The following IFT25 variants were observed in gnomAD, a reference collection of about 807,000 sequenced individuals.
The protein encoded by IFT25 is intraflagellar transport protein 25 homolog.
At chr1:53,929,837 G>C in the IFT25 span, 3 of 774,908 alleles carry the variant, frequency 3.9e-6, no homozygotes, top group African/African-American at 3.7e-5. Context: ...CTGAGCTCAA[G>C]GCATTTACCT....
At chr1:53,932,344 AAAAG>A in the IFT25 span, among the ~76,000 whole-genome samples, 1 of 152,026 alleles carries the variant, frequency 6.6e-6, no homozygotes. Flanking sequence ...AAAAAAAAAA[AAAAG>A]AAAGATTTTC....
At chr1:53,938,785 G>A in the IFT25 span, among the ~76,000 whole-genome samples, 1 of 152,052 alleles carries the variant, frequency 6.6e-6, no homozygotes, top group Admixed American at 6.6e-5. Flanking sequence ...TATTAAAAAA[G>A]GAGTCCTCCA....
chr1:53,933,570 G>T, the IFT25 span, among the ~76,000 whole-genome samples: 45 of 152,180 alleles, frequency 3.0e-4, no homozygotes, highest in African/African-American at 9.6e-4. Context: ...TTTGTAGGAT[G>T]CATCTTCTTT....
At chr1:53,915,808 T>G in the IFT25 span, among the ~76,000 whole-genome samples, 1 of 151,998 alleles carries the variant, frequency 6.6e-6, no homozygotes, top group East Asian at 1.9e-4. Context: ...CACAGCACAG[T>G]GGCAGTCAGG....
chr1:53,920,320 T>C, the IFT25 span, among the ~76,000 whole-genome samples: 2 of 152,140 alleles, frequency 1.3e-5, no homozygotes, highest in African/African-American at 4.8e-5. Flanking sequence ...CTTCTATCAA[T>C]ATGGATTCAC....
the IFT25 span, among the ~76,000 whole-genome samples, chr1:53,931,563 T>C: frequency 6.6e-6 from 1 of 152,244 alleles, no homozygotes; most frequent in African/African-American, 2.4e-5. Flanking sequence ...TATGAGGCTG[T>C]CCAGAATTTC....
chr1:53,935,897 TG>T, the IFT25 span, among the ~76,000 whole-genome samples: 5 of 152,200 alleles, frequency 3.3e-5, no homozygotes, highest in African/African-American at 1.2e-4. Flanking sequence ...AATTGCCTCA[TG>T]TTTTTCTTTG....
the IFT25 span, among the ~76,000 whole-genome samples, chr1:53,939,074 C>CAAAAAA: frequency 4.4e-5 from 1 of 22,558 alleles, no homozygotes. Flanking sequence ...AACTCCGTCT[C>CAAAAAA]AAAAAAAAAA....
the IFT25 span, chr1:53,921,727 A>T: frequency 6.2e-7 from 1 of 1,613,830 alleles, no homozygotes; most frequent in Admixed American, 1.7e-5. Context: ...AAAGGCTGAT[A>T]CAATAATGAA....
the IFT25 span, among the ~76,000 whole-genome samples, chr1:53,935,471 A>G: frequency 2.0e-5 from 3 of 150,652 alleles, no homozygotes; most frequent in Middle Eastern, 3.4e-3. Context: ...TCTTTTTGGG[A>G]TGATGAAAAC....
At chr1:53,941,704 C>T in the IFT25 span, among the ~76,000 whole-genome samples, 1 of 152,058 alleles carries the variant, frequency 6.6e-6, no homozygotes, top group Admixed American at 6.6e-5. Context: ...CGACAAAATC[C>T]TAAAATTATT....
the IFT25 span, chr1:53,939,756 A>G: frequency 2.3e-5 from 10 of 428,882 alleles, no homozygotes; most frequent in South Asian, 4.2e-4. Context: ...TTCTAAAAAA[A>G]CCTATTTGTA....
At chr1:53,931,532 G>A in the IFT25 span, among the ~76,000 whole-genome samples, 5 of 152,240 alleles carry the variant, frequency 3.3e-5, no homozygotes, top group Admixed American at 6.5e-5. Flanking sequence ...ATATTTGACC[G>A]AATTTAATTT....
At chr1:53,915,113 G>A in the IFT25 span, among the ~76,000 whole-genome samples, 8 of 152,268 alleles carry the variant, frequency 5.3e-5, no homozygotes, top group African/African-American at 1.9e-4. Context: ...AGTATAAAGA[G>A]ATATAGGCGT....
the IFT25 span, chr1:53,921,801 A>G: frequency 1.5e-6 from 2 of 1,314,508 alleles, no homozygotes; most frequent in Non-Finnish European, 2.2e-6. Context: ...AAATGCTTTT[A>G]GCAGTGCTAG....
chr1:53,921,652 T>C, the IFT25 span: 53 of 1,562,454 alleles, frequency 3.4e-5, no homozygotes, highest in Non-Finnish European at 4.3e-5. Flanking sequence ...TTGTTATCAT[T>C]ATGAGGAAAG....
chr1:53,917,411 C>T, the IFT25 span, among the ~76,000 whole-genome samples: 1 of 152,180 alleles, frequency 6.6e-6, no homozygotes, highest in African/African-American at 2.4e-5. Context: ...GCATTTCAGT[C>T]ACCCATAGTT....
chr1:53,944,093 C>T, the IFT25 span, among the ~76,000 whole-genome samples: 2 of 152,150 alleles, frequency 1.3e-5, no homozygotes, highest in African/African-American at 4.8e-5. Flanking sequence ...CTTCTATATT[C>T]ACCATTACCC....
At chr1:53,945,054 G>C in the IFT25 span, among the ~76,000 whole-genome samples, 1 of 152,094 alleles carries the variant, frequency 6.6e-6, no homozygotes, top group Non-Finnish European at 1.5e-5. Flanking sequence ...CTGTCTCCGA[G>C]GGGCCAGGGC....
Sources: gnomAD v4.1 joint callset for allele counts (sites outside exome capture counted in the v4.1 genomes callset) on GRCh38, gnomAD v4.1.1 for gene constraint, MANE v1.5 for transcripts, NCBI Gene and HGNC (gene_info 2026-07-23, HGNC 2026-07-21) for gene names.